ASTN2: variants seen among roughly 807,000 people sequenced by gnomAD.
ASTN2 encodes astrotactin-2.
A neutral mutation model predicts 139.8 loss-of-function variants in ASTN2; 54 were observed. The ratio of observed to expected loss-of-function variants is 0.39; its 90% CI spans 0.31 to 0.48. The LOEUF (loss-of-function observed/expected upper bound fraction) is 0.48. Ranked by LOEUF, ASTN2 falls within the 20% of genes least tolerant of loss-of-function variation. The probability of loss-of-function intolerance (pLI) is 0.95; values close to 1 mark genes in which losing one functional copy is unlikely to be tolerated. For synonymous variants in ASTN2, 756 were observed against 719.5 expected, an observed-to-expected ratio of 1.05 and a Z score of -0.81; for missense variants, 1,565 against 1,725.1, an observed-to-expected ratio of 0.91 and a Z score of 1.64.
intron 13 of ASTN2, among the ~76,000 whole-genome samples, chr9:116,775,716 A>T (rs938033004): frequency 7.9e-6 from 1 of 125,978 alleles, no homozygotes; most frequent in Admixed American, 7.6e-5. Flanking sequence ...GAAGGAAAGA[A>T]GGAAGGAAGG....
At chr9:116,477,374 C>G (rs1213332533) in intron 20 of ASTN2, among the ~76,000 whole-genome samples, 1 of 151,960 alleles carries the variant, frequency 6.6e-6, no homozygotes, top group African/African-American at 2.4e-5. Context: ...CGTACTTGCC[C>G]CCATCCCCTA....
chr9:117,368,988 A>C (rs578028304), intron 1 of ASTN2, among the ~76,000 whole-genome samples: 76 of 152,294 alleles, frequency 5.0e-4, no homozygotes, highest in Non-Finnish European at 8.7e-4. Flanking sequence ...TCATTTACTT[A>C]AGGGAAACTA....
chr9:117,314,216 G>C (rs772745218), intron 1 of ASTN2, among the ~76,000 whole-genome samples: 34 of 152,154 alleles, frequency 2.2e-4, no homozygotes, highest in Non-Finnish European at 4.4e-4. Context: ...CACACACAGA[G>C]TTAACCTCCC....
chr9:117,066,416 CATT>C lies in ASTN2; in HGVS notation c.1277-26454_1277-26452del, dbSNP rs997175105. ...GCCACATTTTCTTAATCCAGTCTAT[CATT>C]GTTGGACATTTGGGTTGGTTCCAAG... On this transcript the variant is annotated intron_variant, in intron 5 of 22. Transcript: ENST00000313400. 1.2e-4 allele frequency among the ~76,000 whole-genome samples: 18 copies of C among 148,048 alleles called. 1 individual carries two copies. Among genetic ancestry groups the C allele is most frequent in the South Asian group, 4.5e-4 (2 of 4,476 alleles).
At chr9:117,284,052 C>T (rs777280153) in intron 2 of ASTN2, among the ~76,000 whole-genome samples, 24 of 152,280 alleles carry the variant, frequency 1.6e-4, no homozygotes, top group Non-Finnish European at 3.2e-4. Context: ...ATATGTTAAG[C>T]TCCTAACCCT....
chr9:116,529,439 C>T (rs1014569449), intron 19 of ASTN2, among the ~76,000 whole-genome samples: 39 of 152,136 alleles, frequency 2.6e-4, no homozygotes, highest in Non-Finnish European at 2.2e-4. Context: ...AAGTAACTAA[C>T]TTGCTTTTGA....
rs542792216 is a variant in ASTN2 at position 116,684,172 on chromosome 9, A to T, written c.2807-32379T>A. On this transcript the variant is annotated intron_variant, in intron 16 of 22. Coordinates refer to ENST00000313400, the MANE Select transcript of ASTN2 (RefSeq NM_001365068.1). ...CTGAGCTTGGCTTTTAAAAACTCTT[A>T]TCTGAGATTCCTCATGGAACAGAGT... 2.6e-5 allele frequency among the ~76,000 whole-genome samples: 4 copies of T among 152,330 alleles called. No homozygotes were observed. The South Asian group carries it at 8.3e-4, about 32-fold the overall frequency.
chr9:117,177,254 T>C (rs1830939874), intron 3 of ASTN2, among the ~76,000 whole-genome samples: 1 of 152,250 alleles, frequency 6.6e-6, no homozygotes, highest in Non-Finnish European at 1.5e-5. Flanking sequence ...GTTTATGCTC[T>C]GTAACTAACT....
intron 1 of ASTN2, among the ~76,000 whole-genome samples, chr9:117,401,015 A>G (rs1397170704): frequency 6.6e-6 from 1 of 152,198 alleles, no homozygotes; most frequent in Non-Finnish European, 1.5e-5. Flanking sequence ...ATTAAGGTAC[A>G]GGCTTATTTA....
At chr9:116,905,930 G>C (rs1282662810) in intron 10 of ASTN2, among the ~76,000 whole-genome samples, 1 of 151,080 alleles carries the variant, frequency 6.6e-6, no homozygotes, top group African/African-American at 2.4e-5. Context: ...ATTCAGAGAT[G>C]TGGAAAATGC....
chr9:116,774,987 A>G (rs1321370441), intron 13 of ASTN2, among the ~76,000 whole-genome samples: 1 of 152,190 alleles, frequency 6.6e-6, no homozygotes, highest in African/African-American at 2.4e-5. Context: ...GAGACACCTC[A>G]GTGCCTGCGT....
At chr9:116,481,184 A>G (rs962034526) in intron 20 of ASTN2, among the ~76,000 whole-genome samples, 1 of 152,138 alleles carries the variant, frequency 6.6e-6, no homozygotes, top group Non-Finnish European at 1.5e-5. Context: ...GCTCGAGACC[A>G]GCCTGGGCAA....
chr9:117,200,464 G>T (rs1831671266), intron 3 of ASTN2, among the ~76,000 whole-genome samples: 1 of 152,054 alleles, frequency 6.6e-6, no homozygotes, highest in African/African-American at 2.4e-5. Flanking sequence ...AATGCTTCCA[G>T]CTTTTCCCAT....
At chr9:116,814,557 A>G (rs1191399723) in intron 12 of ASTN2, among the ~76,000 whole-genome samples, 5 of 151,616 alleles carry the variant, frequency 3.3e-5, no homozygotes, top group African/African-American at 4.8e-5. Context: ...GAAACAAGGA[A>G]AAAAAAAAGA....
At chr9:116,487,541 C>A in intron 19 of ASTN2, 41 bp from the exon 20 acceptor site, 1 of 1,587,146 alleles carries the variant, frequency 6.3e-7, no homozygotes, top group South Asian at 1.1e-5. Flanking sequence ...CAGCTCAGGC[C>A]ATAGTGAGGA....
At chr9:116,634,628 AT>A (rs1856984592) in intron 17 of ASTN2, among the ~76,000 whole-genome samples, 1 of 150,560 alleles carries the variant, frequency 6.6e-6, no homozygotes, top group African/African-American at 2.4e-5. Flanking sequence ...AAGCAAAATA[AT>A]TTTTTAACAG....
chr9:116,578,559 A>G (rs1230900118), intron 19 of ASTN2, among the ~76,000 whole-genome samples: 1 of 151,640 alleles, frequency 6.6e-6, no homozygotes, highest in Non-Finnish European at 1.5e-5. Flanking sequence ...AAATGTGTCT[A>G]CAACCATGTA....
At position 116,504,799 on chromosome 9, in the gene ASTN2, G is replaced by C. The variant is rs12236591; in HGVS notation, c.3356-17299C>G. On this transcript the variant is annotated intron_variant, in intron 19 of 22. Coordinates refer to ENST00000313400, the MANE Select transcript of ASTN2 (RefSeq NM_001365068.1). ...TAGCTCCAGCTACTCAGGAAGCTGA[G>C]GTGGGAGGATCACTTGAGCCTGGGA... Among the ~76,000 whole-genome samples the C allele has an allele frequency of 2.2e-3, 335 of 151,372 alleles. 9 individuals are homozygous for C. In the East Asian group the frequency reaches 0.061, roughly 27 times the overall value.
intron 10 of ASTN2, among the ~76,000 whole-genome samples, chr9:116,951,483 C>T (rs11789359): frequency 0.025 from 3,792 of 151,316 alleles, 67 homozygotes; most frequent in Non-Finnish European, 0.03. Context: ...TTGGTTTTGG[C>T]ATAGACTGTG....
Sources: gnomAD v4.1 joint callset for allele counts (sites outside exome capture counted in the v4.1 genomes callset) on GRCh38, gnomAD v4.1.1 for gene constraint, MANE v1.5 for transcripts, NCBI Gene and HGNC (gene_info 2026-07-23, HGNC 2026-07-21) for gene names.